The following RDX variants were observed in gnomAD, a reference collection of about 807,000 sequenced individuals.
RDX encodes the protein deafness, autosomal recessive 24.
RDX carries 32 observed loss-of-function variants against 83.7 expected under a neutral mutation model. The ratio of observed to expected loss-of-function variants is 0.38; its 90% CI spans 0.29 to 0.51. The LOEUF (loss-of-function observed/expected upper bound fraction) is 0.51. RDX is among the 20% of genes least tolerant of loss of function. RDX has a pLI of 0.87. For synonymous variants in RDX, 229 were observed against 222.7 expected, an observed-to-expected ratio of 1.03 and a Z score of -0.25; for missense variants, 600 against 689.9, an observed-to-expected ratio of 0.87 and a Z score of 1.46.
chr11:110,264,162 C>T lies in RDX; in HGVS notation c.265G>A (p.Val89Ile), dbSNP rs550717233. Residue 89 changes from valine to isoleucine, a missense_variant, in exon 5 of 14, where the codon GTT (valine) becomes ATT (isoleucine). Transcript: ENST00000645495. Reference protein sequence around the residue: ...KFRAKFFPEDVSEELIQEITQ... With the variant: ...KFRAKFFPEDISEELIQEITQ... ...ATTTCTTGAATTAATTCCTCAGAAA[C>T]ATCTTCAGGAAAGAATTTAGCTCTA... 82 of 1,611,554 alleles carry T rather than the reference C, an allele frequency of 5.1e-5. No individual in the cohort carries two copies. The South Asian group carries it at 8.7e-4, about 17-fold the overall frequency.
intron 14 of RDX, among the ~76,000 whole-genome samples, chr11:110,220,587 C>G (rs1026686329): frequency 3.3e-5 from 5 of 152,322 alleles, no homozygotes; most frequent in Admixed American, 2.0e-4. Context: ...CAACCTCCAC[C>G]TCCTGGGTTC....
chr11:110,195,395 A>C (rs1270066816), intron 15 of RDX, among the ~76,000 whole-genome samples: 2 of 152,186 alleles, frequency 1.3e-5, no homozygotes, highest in Non-Finnish European at 2.9e-5. Flanking sequence ...ATGCTGCTTC[A>C]CATCCCAGCT....
intron 3 of RDX, among the ~76,000 whole-genome samples, chr11:110,272,221 C>G (rs1330632771): frequency 1.3e-5 from 2 of 152,230 alleles, no homozygotes; most frequent in African/African-American, 4.8e-5. Context: ...GCCCAGGATT[C>G]CTACTCATTT....
At chr11:110,269,437 C>CA (rs1203527980) in intron 3 of RDX, among the ~76,000 whole-genome samples, 4 of 152,160 alleles carry the variant, frequency 2.6e-5, no homozygotes, top group Admixed American at 6.5e-5. Flanking sequence ...TTCAAGCACT[C>CA]AGAGTCCCCA....
intron 14 of RDX, among the ~76,000 whole-genome samples, chr11:110,223,215 G>C (rs939589771): frequency 1.3e-5 from 2 of 152,048 alleles, no homozygotes; most frequent in Admixed American, 1.3e-4. Flanking sequence ...AGCCAGGCGT[G>C]GTGGTGGGCG....
At chr11:110,285,092 T>A (rs527804124) in intron 1 of RDX, among the ~76,000 whole-genome samples, 1 of 152,082 alleles carries the variant, frequency 6.6e-6, no homozygotes, top group African/African-American at 2.4e-5. Flanking sequence ...AATATTTATA[T>A]CAAGAGAATA....
downstream of RDX, among the ~76,000 whole-genome samples, chr11:110,227,670 A>C (rs559895811): frequency 6.6e-6 from 1 of 152,240 alleles, no homozygotes; most frequent in African/African-American, 2.4e-5. Context: ...ATATAGGCCA[A>C]AACAAAGGGT....
rs1436432853 is a variant in RDX at position 110,236,150 on chromosome 11, T to C, written c.1293A>G (p.Leu431=). 1.2e-6 allele frequency: 2 copies of C among 1,612,622 alleles called. No individual in the cohort carries two copies. Among genetic ancestry groups the C allele is most frequent in the East Asian group, 2.2e-5 (1 of 44,840 alleles). The change falls in exon 12 of 14, where the codon CTA becomes CTG. Residue 431 remains leucine, a synonymous_variant. Coordinates refer to ENST00000645495, the MANE Select transcript of RDX (RefSeq NM_002906.4). ...LAEFTAKIAL[L]EEAKKKKEEE... is the part of the protein sequence containing the mutation. ...CTTCCTTTTTCTTCTTGGCTTCCTC[T>C]AGAAGTGCAATCTTGGCAGTGAATT...
intron 12 of RDX, 32 bp from the exon 13 acceptor site, chr11:110,233,511 T>G: frequency 6.2e-7 from 1 of 1,611,810 alleles, no homozygotes; most frequent in Non-Finnish European, 8.5e-7. Context: ...ATGAGCAACT[T>G]ACTTCAAAAA....
intron 14 of RDX, among the ~76,000 whole-genome samples, chr11:110,200,069 C>T (rs1256881767): frequency 6.6e-6 from 1 of 152,102 alleles, no homozygotes; most frequent in African/African-American, 2.4e-5. Flanking sequence ...ATGTGTTCTA[C>T]CAGATTTTAT....
intron 10 of RDX, 103 bp from the exon 11 acceptor site, chr11:110,237,755 A>G: frequency 7.8e-7 from 1 of 1,275,644 alleles, no homozygotes; most frequent in Non-Finnish European, 1.1e-6. Flanking sequence ...TTCAATTTCT[A>G]AAAGTTAGCA....
intron 7 of RDX, among the ~76,000 whole-genome samples, chr11:110,256,153 A>G (rs1409977773): frequency 2.0e-5 from 3 of 152,150 alleles, no homozygotes; most frequent in East Asian, 1.9e-4. Flanking sequence ...TATTGTCCTA[A>G]TAACTAAGAC....
downstream of RDX, among the ~76,000 whole-genome samples, chr11:110,225,263 T>C (rs536283917): frequency 6.6e-6 from 1 of 152,298 alleles, no homozygotes; most frequent in African/African-American, 2.4e-5. Flanking sequence ...TTAAAAACTT[T>C]TGTGCATCAA....
intron 9 of RDX, among the ~76,000 whole-genome samples, chr11:110,252,823 G>A (rs1311250983): frequency 6.6e-6 from 1 of 151,880 alleles, no homozygotes; most frequent in Non-Finnish European, 1.5e-5. Context: ...TTACTACACT[G>A]CATGTTGCCT....
In RDX at chr11:110,254,081, C is replaced by G; in HGVS notation, c.824G>C (p.Arg275Thr). The G allele has an allele frequency of 6.2e-7, 1 of 1,613,662 alleles. No homozygotes were observed. Among genetic ancestry groups the G allele is most frequent in the South Asian group, 1.1e-5 (1 of 91,064 alleles). ...TAAGGCCAAAATCCGCTTATTGATT[C>G]TCAGACGAGGTGCATAAAACACAAA... The part of the protein sequence containing the change: ...PDFVFYAPRL[R>T]INKRILALCM... Residue 275 changes from arginine (R) to threonine (T), a missense_variant, in exon 9 of 14, where the codon AGA (arginine) becomes ACA (threonine). Physicochemically the swap from Arg to Thr is moderately conservative, Grantham distance 71. Coordinates refer to ENST00000645495, the MANE Select transcript of RDX (RefSeq NM_002906.4).
chr11:110,272,216 G>C (rs1249833483), intron 3 of RDX, among the ~76,000 whole-genome samples: 1 of 152,114 alleles, frequency 6.6e-6, no homozygotes, highest in Admixed American at 6.5e-5. Context: ...CTTCTGCCCA[G>C]GATTCCTACT....
At chr11:110,238,634 A>G (rs993679554) in intron 10 of RDX, among the ~76,000 whole-genome samples, 4 of 152,184 alleles carry the variant, frequency 2.6e-5, no homozygotes, top group Non-Finnish European at 4.4e-5. Flanking sequence ...AAGACTTGGA[A>G]GGTTTTAGGC....
At chr11:110,253,062 A>G (rs1012446905) in intron 9 of RDX, among the ~76,000 whole-genome samples, 2 of 152,232 alleles carry the variant, frequency 1.3e-5, no homozygotes, top group Non-Finnish European at 2.9e-5. Context: ...AAATAGGTAA[A>G]AATCAATAAA....
intron 10 of RDX, among the ~76,000 whole-genome samples, chr11:110,244,385 A>AAG (rs1865222990): frequency 6.6e-6 from 1 of 150,758 alleles, no homozygotes; most frequent in Non-Finnish European, 1.5e-5. Flanking sequence ...AAAAAAAAAA[A>AAG]AAAGAGAGTG....
Sources: allele counts gnomAD v4.1 joint callset (sites outside exome capture counted in the v4.1 genomes callset), GRCh38; gene constraint gnomAD v4.1.1; transcripts MANE v1.5; gene names NCBI Gene and HGNC (gene_info 2026-07-23, HGNC 2026-07-21).